MVB12B: variants seen among roughly 807,000 people sequenced by gnomAD.
MVB12B encodes the protein multivesicular body subunit 12B.
A neutral mutation model predicts 41.6 loss-of-function variants in MVB12B; 16 were observed. The ratio of observed to expected loss-of-function variants is 0.38; its 90% CI spans 0.26 to 0.58. The LOEUF (loss-of-function observed/expected upper bound fraction) is 0.58, where lower values mean the gene tolerates loss of function less well. Among genes scored for constraint, MVB12B ranks in the 20% least tolerant of loss-of-function variants. MVB12B has a pLI of 0.62. For missense variants in MVB12B, 274 were observed against 380.2 expected (o/e 0.72, Z 2.32); for synonymous variants, 133 against 139.7 (o/e 0.95, Z 0.34).
chr9:126,478,237 A>G lies in MVB12B; in HGVS notation c.758-3132A>G, dbSNP rs867944088. The stretch of plus-strand genomic sequence containing the variant: ...AGTGATTCCCAGGCTTCTTCCATCC[A>G]TGGCTTTCATCTCCAGCAGCAGCAG... On this transcript the variant is annotated intron_variant, in intron 7 of 9. Coordinates refer to ENST00000361171, the MANE Select transcript of MVB12B (RefSeq NM_033446.3). The surrounding 1 kb of genome is among the most constrained non-coding windows in gnomAD (Gnocchi z 4.2). 1.3e-5 allele frequency among the ~76,000 whole-genome samples: 2 copies of G among 152,120 alleles called. No homozygotes were observed. The highest frequency in any genetic ancestry group is 2.4e-5 in the African/African-American group (1 of 41,420).
rs1400571169 is a variant in MVB12B, at chr9:126,468,948, A to G, written c.758-12421A>G. ...TTGATGTGGAAACACAGTCAATTGA[A>G]AAAAAGTAAATTGCAAAACAGTTAC... is the stretch of plus-strand genomic sequence containing the variant. On this transcript the variant is annotated intron_variant, in intron 7 of 9. Coordinates refer to ENST00000361171, the MANE Select transcript of MVB12B (RefSeq NM_033446.3). The surrounding 1 kb of genome is among the most constrained non-coding windows in gnomAD (Gnocchi z 4.3). 6.6e-6 allele frequency among the ~76,000 whole-genome samples: 1 copy of G among 152,252 alleles called. No individual in the cohort carries two copies. The highest frequency in any genetic ancestry group is 1.9e-4 in the East Asian group (1 of 5,202).
At position 126,395,490 on chromosome 9, in the gene MVB12B, C is replaced by T. The variant is rs1430002066; in HGVS notation, c.540-85C>T. Reference sequence around the variant, plus strand: ...TTCCCTGGTGTTTGAGGCCATGACTCTTTTAAATGAATTGGTTTGCTTTGT... The same window carrying T: ...TTCCCTGGTGTTTGAGGCCATGACTTTTTTAAATGAATTGGTTTGCTTTGT... On this transcript the variant is annotated intron_variant, in intron 5 of 9. Coordinates refer to ENST00000361171, the MANE Select transcript of MVB12B (RefSeq NM_033446.3). This position sits in a 1 kb window ranked among gnomAD's most constrained non-coding sequence, Gnocchi z 4.9. 5.2e-6 allele frequency: 8 copies of T among 1,524,410 alleles called. No homozygotes were observed. Among genetic ancestry groups the T allele is most frequent in the South Asian group, 1.2e-5 (1 of 82,420 alleles). 94.4% of individuals were successfully genotyped at this position (1,524,410 alleles called of 1,614,324 possible).
In MVB12B at chr9:126,376,518, C is replaced by T. The variant is rs979443477; in HGVS notation, c.205-4546C>T. 3.9e-6 allele frequency: 5 copies of T among 1,289,168 alleles called. No individual in the cohort carries two copies. The highest frequency in any genetic ancestry group is 5.1e-6 in the Non-Finnish European group (5 of 988,852). 79.9% of individuals were successfully genotyped at this position (1,289,168 alleles called of 1,614,324 possible). On this transcript the variant is annotated intron_variant, in intron 2 of 9. Transcript: ENST00000361171. The surrounding 1 kb of genome is among the most constrained non-coding windows in gnomAD (Gnocchi z 4.1). Reference sequence around the variant, plus strand: ...CTGGCTGGTGTGCTACACAGTGGGGCGACGAGCAGGGAGCTGGCTCAGATC... The same window carrying T: ...CTGGCTGGTGTGCTACACAGTGGGGTGACGAGCAGGGAGCTGGCTCAGATC...
intron 7 of MVB12B, among the ~76,000 whole-genome samples, chr9:126,425,243 A>C (rs894359446): frequency 6.6e-6 from 1 of 152,206 alleles, no homozygotes. Context: ...CTTTGGAAAT[A>C]GCCGTGCACT....
intron 6 of MVB12B, among the ~76,000 whole-genome samples, chr9:126,412,776 G>A (rs1000843362): frequency 1.3e-5 from 2 of 152,130 alleles, no homozygotes; most frequent in African/African-American, 4.8e-5. Context: ...GCTTAGCCGT[G>A]TGTGCCCATG....
At chr9:126,361,910 GAAAAAAAAAA>G (rs765678033) in intron 2 of MVB12B, among the ~76,000 whole-genome samples, 1 of 59,008 alleles carries the variant, frequency 1.7e-5, no homozygotes, top group Non-Finnish European at 3.5e-5. Flanking sequence ...TGAAACTCTG[GAAAAAAAAAA>G]AAAAAAAAAA....
Position 126,326,972 on chromosome 9 carries a change from C to A in MVB12B, c.43C>A (p.Pro15Thr). The stretch of plus-strand genomic sequence containing the variant: ...CGTGAGACGGAGCCGGGACCCGCCG[C>A]CGCCGCAGCCACCGCCGCCGCCGCC... ...FCVRRSRDPP[P>T]PQPPPPPPQR... Residue 15 changes from proline to threonine, a missense_variant, in exon 1 of 10, where the codon CCG becomes ACG. By Grantham distance (38) the Pro-to-Thr change is conservative. Coordinates refer to ENST00000361171, the MANE Select transcript of MVB12B (RefSeq NM_033446.3). 3.8e-6 allele frequency: 1 copy of A among 263,726 alleles called. No homozygotes were observed. Among genetic ancestry groups the A allele is most frequent in the Admixed American group, 4.5e-5 (1 of 22,174 alleles). The allele number at this position is 263,726 out of a possible 1,614,324, so 16.3% of individuals were successfully genotyped here.
chr9:126,381,083 G>T lies in MVB12B; in HGVS notation c.224G>T (p.Gly75Val). ...GTGTAGGTTGCACAGACAGCAGATG[G>T]TGTGGATGCTGACCTCTGGAAAGAC... ...GYDVVAQTAD[G>V]VDADLWKDGL... Residue 75 changes from glycine (G) to valine (V), a missense_variant, in exon 3 of 10, where the codon GGT (glycine) becomes GTT (valine). Coordinates refer to ENST00000361171, the MANE Select transcript of MVB12B (RefSeq NM_033446.3). The T allele has an allele frequency of 6.2e-7, 1 of 1,614,120 alleles. No homozygotes were observed. Among genetic ancestry groups the T allele is most frequent in the South Asian group, 1.1e-5 (1 of 91,086 alleles).
At chr9:126,387,089 A>C (rs1830818252) in intron 4 of MVB12B, among the ~76,000 whole-genome samples, 1 of 152,162 alleles carries the variant, frequency 6.6e-6, no homozygotes, top group Admixed American at 6.5e-5. Flanking sequence ...CAAACAAGAA[A>C]AGTGAGAATC....
chr9:126,490,031 T>G (rs962619676), intron 9 of MVB12B, among the ~76,000 whole-genome samples: 1 of 152,164 alleles, frequency 6.6e-6, no homozygotes, highest in African/African-American at 2.4e-5. Flanking sequence ...GCTGTCTGTG[T>G]CCCAGAGCCT....
chr9:126,455,628 G>C (rs1832966312), intron 7 of MVB12B, among the ~76,000 whole-genome samples: 1 of 152,130 alleles, frequency 6.6e-6, no homozygotes, highest in South Asian at 2.1e-4. Flanking sequence ...GGAACCACAG[G>C]CGTGTGCCAC....
intron 2 of MVB12B, among the ~76,000 whole-genome samples, chr9:126,356,331 C>CT (rs1829880119): frequency 1.3e-5 from 2 of 152,242 alleles, no homozygotes; most frequent in South Asian, 4.1e-4. Context: ...GATTTGGGTA[C>CT]TTAGGTCTTG....
Position 126,384,335 on chromosome 9 carries a change from C to A in MVB12B, c.313-2227C>A, listed in dbSNP as rs1321672218. Among the ~76,000 whole-genome samples, 4 of 152,124 alleles carry A rather than the reference C, an allele frequency of 2.6e-5. No homozygotes were observed. The South Asian group carries it at 6.2e-4, about 24-fold the overall frequency. ...AGTTCTGAGAGGAAGAAACGGTTTC[C>A]TGATGGCAGTGCCGTAAAAACACTG... On this transcript the variant is annotated intron_variant, in intron 3 of 9. Transcript: ENST00000361171.
chr9:126,445,531 T>A (rs965000245), intron 7 of MVB12B, among the ~76,000 whole-genome samples: 1 of 152,226 alleles, frequency 6.6e-6, no homozygotes, highest in African/African-American at 2.4e-5. Flanking sequence ...CTTGAACTCC[T>A]AGCCTCAAGT....
In MVB12B at chr9:126,413,726, A is replaced by G. The variant is rs558199518; in HGVS notation, c.663-8128A>G. 6.0e-4 allele frequency among the ~76,000 whole-genome samples: 91 copies of G among 152,246 alleles called. 1 individual carries two copies. Among genetic ancestry groups the G allele is most frequent in the African/African-American group, 2.1e-3 (87 of 41,546 alleles). On this transcript the variant is annotated intron_variant, in intron 6 of 9. Transcript: ENST00000361171. ...GCTGCGTCGTCTTCCAGCATTTAGT[A>G]TGGCAGAGGAAAAGTCTGAAGTCAC...
At chr9:126,502,311 A>G (rs1383363115) in intron 9 of MVB12B, among the ~76,000 whole-genome samples, 4 of 151,698 alleles carry the variant, frequency 2.6e-5, no homozygotes, top group African/African-American at 7.3e-5. Flanking sequence ...TGCTCTGCCC[A>G]CATGCCCTGC....
chr9:126,459,740 G>T lies in MVB12B; in HGVS notation c.758-21629G>T, dbSNP rs1833051569. On this transcript the variant is annotated intron_variant, in intron 7 of 9. Transcript: ENST00000361171. This position sits in a 1 kb window ranked among gnomAD's most constrained non-coding sequence, Gnocchi z 4.3. Reference sequence around the variant, plus strand: ...GCGCAGTTGTTACAGCGCTCACAGGGGCCGCGCTCACCTGCACCCATCCTT... The same window carrying T: ...GCGCAGTTGTTACAGCGCTCACAGGTGCCGCGCTCACCTGCACCCATCCTT... Among the ~76,000 whole-genome samples the T allele has an allele frequency of 6.6e-6, 1 of 152,104 alleles. No individual in the cohort carries two copies. Among genetic ancestry groups the T allele is most frequent in the Non-Finnish European group, 1.5e-5 (1 of 68,018 alleles).
chr9:126,453,192 T>C (rs922592790), intron 7 of MVB12B, among the ~76,000 whole-genome samples: 6 of 152,142 alleles, frequency 3.9e-5, no homozygotes, highest in African/African-American at 1.2e-4. Context: ...TTCAGCGGGT[T>C]TTTAGTGAGC....
rs537985552 is a variant in MVB12B at position 126,469,995 on chromosome 9, A to G, written c.758-11374A>G. Among the ~76,000 whole-genome samples the G allele has an allele frequency of 3.9e-5, 6 of 152,366 alleles. No homozygotes were observed. In the East Asian group the frequency reaches 7.7e-4, roughly 20 times the overall value. On this transcript the variant is annotated intron_variant, in intron 7 of 9. Coordinates refer to ENST00000361171, the MANE Select transcript of MVB12B (RefSeq NM_033446.3). ...AGACAATAACAATACCTGGACTGCT[A>G]TGATGTTTAAATGAGATAAAAACAT...
Sources: allele counts gnomAD v4.1 joint callset (sites outside exome capture counted in the v4.1 genomes callset), GRCh38; gene constraint gnomAD v4.1.1; non-coding constraint Gnocchi (gnomAD v3.1); transcripts MANE v1.5; gene names NCBI Gene and HGNC (gene_info 2026-07-23, HGNC 2026-07-21).